Variants in MCM3AP observed in about 807,000 individuals in gnomAD.
MCM3AP encodes the protein minichromosome maintenance complex component 3 associated protein.
MCM3AP carries 126 observed loss-of-function variants against 184.1 expected under a neutral mutation model. That is an observed-to-expected ratio of 0.68 (90% CI 0.59 to 0.79). The LOEUF (loss-of-function observed/expected upper bound fraction) is 0.79. MCM3AP is among the 30% of genes least tolerant of loss of function. The pLI, the probability that MCM3AP is intolerant of heterozygous loss-of-function variation, is 0.00. For missense variants in MCM3AP, 2,496 were observed against 2,479.2 expected, an observed-to-expected ratio of 1.01 and a Z score of -0.14; for synonymous variants, 1,002 against 979.3, an observed-to-expected ratio of 1.02 and a Z score of -0.43.
intron 24 of MCM3AP, 61 bp downstream of exon 24, chr21:46,243,404 C>T: frequency 6.6e-7 from 1 of 1,524,362 alleles, no homozygotes; most frequent in Non-Finnish European, 8.8e-7. Context: ...TCTTCCTTTG[C>T]AGAAACTGGA....
intron 26 of MCM3AP, among the ~76,000 whole-genome samples, chr21:46,238,503 T>C: frequency 8.4e-6 from 1 of 118,410 alleles, no homozygotes. Flanking sequence ...AGGTCAGGAG[T>C]TCAAGACCAG....
At chr21:46,263,266 G>C (rs1456045937) in intron 13 of MCM3AP, among the ~76,000 whole-genome samples, 2 of 151,134 alleles carry the variant, frequency 1.3e-5, no homozygotes, top group African/African-American at 4.9e-5. Context: ...GGAGGTGGGG[G>C]TTGCAGTGAG....
In MCM3AP at chr21:46,251,584, AAAAGCG is replaced by A; in HGVS notation, c.4229_4234del (p.Ser1410_Leu1411del). 1 of 1,613,060 alleles carries A rather than the reference AAAAGCG, an allele frequency of 6.2e-7. No homozygotes were observed. The highest frequency in any genetic ancestry group is 8.5e-7 in the Non-Finnish European group (1 of 1,179,020). On this transcript the variant is annotated inframe_deletion, in exon 20 of 28. Transcript: ENST00000291688. Reference sequence around the variant, plus strand: ...ATCCCCTTTGCTGCTAAGTGAGTTGAAAAGCGAAAGCGTCTGAATCCCACCAGCATC... The same window carrying A: ...ATCCCCTTTGCTGCTAAGTGAGTTGAAAAGCGTCTGAATCCCACCAGCATC...
intron 5 of MCM3AP, among the ~76,000 whole-genome samples, chr21:46,276,286 C>A (rs1032352407): frequency 4.6e-5 from 6 of 130,392 alleles, no homozygotes; most frequent in African/African-American, 8.0e-5. Context: ...AAGAAAAATT[C>A]TAATACCTAA....
At chr21:46,262,516 C>T (rs564992634) in intron 13 of MCM3AP, among the ~76,000 whole-genome samples, 34 of 152,020 alleles carry the variant, frequency 2.2e-4, no homozygotes, top group Non-Finnish European at 3.5e-4. Flanking sequence ...GGTATGGTAG[C>T]ATGCGCCTGT....
chr21:46,245,253 T>C, intron 22 of MCM3AP, 56 bp from the exon 23 acceptor site: 2 of 1,521,672 alleles, frequency 1.3e-6, no homozygotes, highest in South Asian at 1.3e-5. Flanking sequence ...CAAAAACAGC[T>C]TTCTGAAAGG....
chr21:46,281,198 T>C (rs2081327753), intron 2 of MCM3AP, among the ~76,000 whole-genome samples: 1 of 152,110 alleles, frequency 6.6e-6, no homozygotes, highest in African/African-American at 2.4e-5. Flanking sequence ...TGATCACACA[T>C]ACAGAGACAG....
chr21:46,274,005 C>T (rs1362051169), intron 6 of MCM3AP, among the ~76,000 whole-genome samples: 1 of 152,230 alleles, frequency 6.6e-6, no homozygotes, highest in East Asian at 1.9e-4. Flanking sequence ...CAGGGGCTGG[C>T]TGCCCACCTG....
chr21:46,268,650 G>A (rs1453139914), intron 9 of MCM3AP, among the ~76,000 whole-genome samples: 2 of 152,266 alleles, frequency 1.3e-5, no homozygotes, highest in Non-Finnish European at 2.9e-5. Context: ...CCTCTGAGCA[G>A]GAGTGCACAG....
intron 27 of MCM3AP, among the ~76,000 whole-genome samples, chr21:46,235,652 C>T (rs1031340576): frequency 3.3e-5 from 5 of 152,214 alleles, no homozygotes; most frequent in African/African-American, 1.2e-4. Flanking sequence ...CTATCATGAA[C>T]AATTTCCAGT....
chr21:46,249,054 T>C (rs1284886121), intron 20 of MCM3AP, among the ~76,000 whole-genome samples: 2 of 151,980 alleles, frequency 1.3e-5, no homozygotes, highest in African/African-American at 2.4e-5. Flanking sequence ...CCAGTGCCAG[T>C]GTAACAAAGT....
At chr21:46,243,862 G>A in intron 23 of MCM3AP, 140 bp from the exon 24 acceptor site, 2 of 806,968 alleles carry the variant, frequency 2.5e-6, no homozygotes, top group East Asian at 2.7e-5. Context: ...AGTTGTTGAG[G>A]GGGAAGAGCA....
rs367974451 is a variant in MCM3AP, at chr21:46,284,830, C to A, written c.457G>T (p.Val153Leu). The A allele has an allele frequency of 9.3e-6, 15 of 1,613,974 alleles. No individual in the cohort carries two copies. The highest frequency in any genetic ancestry group is 1.7e-5 in the Admixed American group (1 of 60,002). Residue 153 changes from valine (V) to leucine (L), a missense_variant, in exon 1 of 28, where the codon GTG (valine) becomes TTG (leucine). Coordinates refer to ENST00000291688, the MANE Select transcript of MCM3AP (RefSeq NM_003906.5). ...EFSFKPLENA[V>L]FKPILGAESE... is the part of the protein sequence containing the mutation. ...TCAGCCCCCAGTATTGGTTTGAACA[C>A]TGCATTTTCCAGAGGTTTAAAGCTG... is the stretch of plus-strand genomic sequence containing the variant.
In MCM3AP at chr21:46,266,112, G is replaced by C. The variant is rs17176436; in HGVS notation, c.2844C>G (p.Thr948=). 2.2e-5 allele frequency: 35 copies of C among 1,612,168 alleles called. No homozygotes were observed. Among genetic ancestry groups the C allele is most frequent in the Admixed American group, 6.7e-5 (4 of 59,900 alleles). ...AFLEPEGLSK[T]RKSVFITRKL... Reference sequence around the variant, plus strand: ...TCCTAGTAATAAACACCGACTTCCTGGTCTTGGATAATCCCTCTGGTTCCA... The same window carrying C: ...TCCTAGTAATAAACACCGACTTCCTCGTCTTGGATAATCCCTCTGGTTCCA... Residue 948 remains threonine, a synonymous_variant, in exon 11 of 28, where the codon ACC becomes ACG. Transcript: ENST00000291688.
intron 10 of MCM3AP, 42 bp downstream of exon 10, chr21:46,266,940 A>G (rs779254576): frequency 6.8e-6 from 11 of 1,607,108 alleles, no homozygotes; most frequent in Non-Finnish European, 9.3e-6. Context: ...TTAACAAGAA[A>G]AAAGGAGACA....
chr21:46,239,761 T>C (rs1048923451), intron 26 of MCM3AP, among the ~76,000 whole-genome samples: 3 of 151,110 alleles, frequency 2.0e-5, no homozygotes, highest in Non-Finnish European at 4.4e-5. Flanking sequence ...TTCTGAGGAG[T>C]AGGTACAGAC....
At chr21:46,246,536 T>A (rs2080773444) in intron 21 of MCM3AP, 92 bp downstream of exon 21, 4 of 1,550,738 alleles carry the variant, frequency 2.6e-6, no homozygotes, top group African/African-American at 1.4e-5. Context: ...CAGTGATTCC[T>A]GACCCCAACA....
chr21:46,262,923 A>G (rs56381116), intron 13 of MCM3AP, among the ~76,000 whole-genome samples: 12,386 of 136,810 alleles, frequency 0.091, 845 homozygotes, highest in African/African-American at 0.2. Flanking sequence ...AGCCGAGATC[A>G]CGCCACTGCA....
chr21:46,257,512 C>T (rs1006940598), intron 16 of MCM3AP, among the ~76,000 whole-genome samples: 2 of 151,504 alleles, frequency 1.3e-5, no homozygotes, highest in African/African-American at 2.4e-5. Context: ...TACATATATC[C>T]CTTGACCCAC....
Sources: allele counts gnomAD v4.1 joint callset (sites outside exome capture counted in the v4.1 genomes callset), GRCh38; gene constraint gnomAD v4.1.1; transcripts MANE v1.5; gene names NCBI Gene and HGNC (gene_info 2026-07-23, HGNC 2026-07-21).